SRGAP1: variants seen among roughly 807,000 people sequenced by gnomAD.
SRGAP1 encodes the protein SLIT-ROBO Rho GTPase activating protein 1.
A neutral mutation model predicts 121.9 loss-of-function variants in SRGAP1; 43 were observed. The ratio of observed to expected loss-of-function variants is 0.35; its 90% CI spans 0.28 to 0.46. The LOEUF (loss-of-function observed/expected upper bound fraction) is 0.46. Ranked by LOEUF, SRGAP1 falls within the 20% of genes least tolerant of loss-of-function variation. SRGAP1 has a pLI of 1.00. For synonymous variants in SRGAP1, 447 were observed against 485.4 expected, an observed-to-expected ratio of 0.92 and a Z score of 1.04; for missense variants, 1,102 against 1,350.9, an observed-to-expected ratio of 0.82 and a Z score of 2.89.
At chr12:64,004,942 A>G (rs2034033212) in intron 3 of SRGAP1, among the ~76,000 whole-genome samples, 1 of 152,198 alleles carries the variant, frequency 6.6e-6, no homozygotes, top group African/African-American at 2.4e-5. Flanking sequence ...GAAATGCCAT[A>G]TTGGGGGAGA....
At chr12:63,869,300 G>T (rs1899769301) in intron 1 of SRGAP1, among the ~76,000 whole-genome samples, 1 of 152,156 alleles carries the variant, frequency 6.6e-6, no homozygotes, top group Non-Finnish European at 1.5e-5. Flanking sequence ...TTTATAAGGA[G>T]CCCACTCCAG....
intron 1 of SRGAP1, among the ~76,000 whole-genome samples, chr12:63,885,898 G>A (rs1900365371): frequency 6.6e-6 from 1 of 152,276 alleles, no homozygotes; most frequent in Non-Finnish European, 1.5e-5. Context: ...TTCTCCTGCT[G>A]TTGTGCTATG....
In SRGAP1 at chr12:63,845,899, G is replaced by C. The variant is rs187850376; in HGVS notation, c.67+1016G>C. Among the ~76,000 whole-genome samples the C allele has an allele frequency of 1.8e-3, 268 of 152,306 alleles. 1 individual carries two copies. The highest frequency in any genetic ancestry group is 6.1e-3 in the African/African-American group (253 of 41,560). On this transcript the variant is annotated intron_variant, in intron 1 of 21. Transcript: ENST00000355086. Reference sequence around the variant, plus strand: ...TTTATCTATGCACAGTCTTATGAAAGGGCTACGGAGAGAGGCATTACTGTA... The same window carrying C: ...TTTATCTATGCACAGTCTTATGAAACGGCTACGGAGAGAGGCATTACTGTA...
chr12:63,917,501 G>T (rs886831370), intron 1 of SRGAP1, among the ~76,000 whole-genome samples: 1 of 152,096 alleles, frequency 6.6e-6, no homozygotes, highest in African/African-American at 2.4e-5. Flanking sequence ...CTGCGCAGTT[G>T]CTCCTTTTGA....
At chr12:64,099,684 C>G (rs2036224158) in intron 15 of SRGAP1, among the ~76,000 whole-genome samples, 1 of 152,174 alleles carries the variant, frequency 6.6e-6, no homozygotes, top group Non-Finnish European at 1.5e-5. Context: ...TTCTGGAATT[C>G]TCCTTTGGCC....
chr12:63,993,619 A>G (rs1304128478), intron 3 of SRGAP1, among the ~76,000 whole-genome samples: 1 of 152,212 alleles, frequency 6.6e-6, no homozygotes, highest in Non-Finnish European at 1.5e-5. Context: ...AAACAGCCAT[A>G]TCTTATACAG....
chr12:63,963,990 C>T (rs533839759), intron 1 of SRGAP1, among the ~76,000 whole-genome samples: 131 of 152,236 alleles, frequency 8.6e-4, no homozygotes, highest in Non-Finnish European at 1.6e-3. Flanking sequence ...TAATTGGGAA[C>T]AGCAGAAGTT....
intron 8 of SRGAP1, among the ~76,000 whole-genome samples, chr12:64,066,115 T>C (rs1270866800): frequency 7.2e-5 from 11 of 152,280 alleles, no homozygotes; most frequent in Admixed American, 7.2e-4. Context: ...GTGTTTGCAG[T>C]ATCCTCAGAC....
chr12:63,849,376 T>C (rs554481347), intron 1 of SRGAP1, among the ~76,000 whole-genome samples: 2 of 152,348 alleles, frequency 1.3e-5, no homozygotes, highest in South Asian at 2.1e-4. Context: ...TAAAGACATG[T>C]TTTATGAAGT....
intron 1 of SRGAP1, among the ~76,000 whole-genome samples, chr12:63,884,942 G>A (rs1348091319): frequency 1.3e-5 from 2 of 151,822 alleles, no homozygotes; most frequent in African/African-American, 2.4e-5. Flanking sequence ...GGATGGCCTC[G>A]ATCTCCTGAC....
intron 1 of SRGAP1, among the ~76,000 whole-genome samples, chr12:63,854,132 T>G (rs1467610383): frequency 6.6e-6 from 1 of 152,216 alleles, no homozygotes; most frequent in Non-Finnish European, 1.5e-5. Flanking sequence ...AAAGAAACAT[T>G]ACCAGTGCCT....
At chr12:63,908,615 C>T (rs2030340398) in intron 1 of SRGAP1, among the ~76,000 whole-genome samples, 1 of 152,164 alleles carries the variant, frequency 6.6e-6, no homozygotes, top group Non-Finnish European at 1.5e-5. Flanking sequence ...GTCTTGAACT[C>T]CTGACCTCAA....
intron 1 of SRGAP1, among the ~76,000 whole-genome samples, chr12:63,912,735 T>C (rs2030560166): frequency 6.6e-6 from 1 of 152,192 alleles, no homozygotes; most frequent in Non-Finnish European, 1.5e-5. Context: ...ATATAAACGC[T>C]GTTGTTTCCC....
intron 2 of SRGAP1, among the ~76,000 whole-genome samples, chr12:63,986,498 A>G (rs1297211574): frequency 6.6e-6 from 1 of 150,986 alleles, no homozygotes; most frequent in Non-Finnish European, 1.5e-5. Context: ...ATCTCGGCTC[A>G]CTGCAACCTC....
At chr12:63,880,235 T>C (rs190293762) in intron 1 of SRGAP1, among the ~76,000 whole-genome samples, 1 of 152,046 alleles carries the variant, frequency 6.6e-6, no homozygotes, top group Admixed American at 6.6e-5. Flanking sequence ...CCGTTAAACC[T>C]CTTTTTCTTT....
chr12:64,149,520 C>G lies in SRGAP1; in HGVS notation c.*6848C>G, dbSNP rs2037096297. The G allele has an allele frequency of 6.6e-6, 1 of 152,282 alleles. No homozygotes were observed. The highest frequency in any genetic ancestry group is 1.9e-4 in the East Asian group (1 of 5,202). 9.4% of individuals were successfully genotyped at this position (152,282 alleles called of 1,614,324 possible). A position where few individuals can be genotyped will look rare whatever the true frequency, so the allele number is the denominator to read the frequency against. On this transcript the variant is annotated 3_prime_UTR_variant, in exon 22 of 22. Transcript: ENST00000355086. ...CTCCACCATCCTGCTACCCTCAAAT[C>G]TTAAGCTCCTCAGCCTGCCACGACC... is the stretch of plus-strand genomic sequence containing the variant.
In SRGAP1 at chr12:64,151,786, T is replaced by G. The variant is rs1258998156; in HGVS notation, c.*9114T>G. On this transcript the variant is annotated 3_prime_UTR_variant, in exon 22 of 22. Transcript: ENST00000355086. The stretch of plus-strand genomic sequence containing the variant: ...CTGTGTCCTAAACTTCAGATGACTC[T>G]TTATTGTTTCAGCTAAACATCAGCA... 1 of 152,216 alleles carries G rather than the reference T, an allele frequency of 6.6e-6. No homozygotes were observed. Among genetic ancestry groups the G allele is most frequent in the African/African-American group, 2.4e-5 (1 of 41,454 alleles). 9.4% of individuals were successfully genotyped at this position (152,216 alleles called of 1,614,324 possible).
At chr12:64,125,777 A>T (rs1318544056) in intron 18 of SRGAP1, among the ~76,000 whole-genome samples, 200 bp from the exon 19 acceptor site, 1 of 152,214 alleles carries the variant, frequency 6.6e-6, no homozygotes, top group Non-Finnish European at 1.5e-5. Context: ...TGAAAAACTG[A>T]TGACAGCAAG....
In SRGAP1 at chr12:63,895,556, TA is replaced by T. The variant is rs201141552; in HGVS notation, c.67+50674del. Reference sequence around the variant, plus strand: ...TATCCCTATTTATGCCAAAGTCACTTATAATGAGTCTAGATCTAGAAGTGAG... The same window carrying T: ...TATCCCTATTTATGCCAAAGTCACTTTAATGAGTCTAGATCTAGAAGTGAG... On this transcript the variant is annotated intron_variant, in intron 1 of 21. Transcript: ENST00000355086. Among the ~76,000 whole-genome samples, 198 of 152,278 alleles carry T rather than the reference TA, an allele frequency of 1.3e-3. 2 individuals carry two copies. Among genetic ancestry groups the T allele is most frequent in the East Asian group, 3.7e-3 (19 of 5,174 alleles).
Sources: gnomAD v4.1 joint callset for allele counts (sites outside exome capture counted in the v4.1 genomes callset) on GRCh38, gnomAD v4.1.1 for gene constraint, MANE v1.5 for transcripts, NCBI Gene and HGNC (gene_info 2026-07-23, HGNC 2026-07-21) for gene names.